SMPD4: variants seen among roughly 807,000 people sequenced by gnomAD.
The protein encoded by SMPD4 is neutral sphingomyelinase 3.
Under a neutral mutation model 97.8 loss-of-function variants are expected in SMPD4, and 58 were observed. That is an observed-to-expected ratio of 0.59 (90% CI 0.48 to 0.74). The LOEUF (loss-of-function observed/expected upper bound fraction) is 0.74, where lower values mean the gene tolerates loss of function less well. Among genes scored for constraint, SMPD4 ranks in the 30% least tolerant of loss-of-function variants. SMPD4 has a pLI of 0.00. For synonymous variants in SMPD4, 388 were observed against 450.0 expected, an observed-to-expected ratio of 0.86 and a Z score of 1.74; for missense variants, 853 against 1,080.5, an observed-to-expected ratio of 0.79 and a Z score of 2.95.
At position 130,152,378 on chromosome 2, in the gene SMPD4, C is replaced by T; in HGVS notation, c.*177G>A. The stretch of plus-strand genomic sequence containing the variant: ...GCAGCTACTCCTTTGCTGGGGCCCA[C>T]CTGCCTTCCTTTCTTGGTTGCGTTT... On this transcript the variant is annotated 3_prime_UTR_variant, in exon 20 of 20. Coordinates refer to ENST00000680298, the MANE Select transcript of SMPD4 (RefSeq NM_017951.5). 3 of 693,654 alleles carry T rather than the reference C, an allele frequency of 4.3e-6. No individual in the cohort carries two copies. Among genetic ancestry groups the T allele is most frequent in the East Asian group, 2.7e-5 (1 of 36,484 alleles). 43.0% of individuals were successfully genotyped at this position (693,654 alleles called of 1,614,324 possible). A position where few individuals can be genotyped will look rare whatever the true frequency, so the allele number is the denominator to read the frequency against.
At chr2:130,163,405 G>A (rs1687617746) in intron 10 of SMPD4, among the ~76,000 whole-genome samples, 1 of 152,256 alleles carries the variant, frequency 6.6e-6, no homozygotes, top group African/African-American at 2.4e-5. Flanking sequence ...ACATGGCAAA[G>A]CATGGGGCCA....
At chr2:130,158,158 T>C in intron 11 of SMPD4, 1 of 1,251,168 alleles carries the variant, frequency 8.0e-7, no homozygotes, top group Non-Finnish European at 1.0e-6. Flanking sequence ...CCCCATGGCT[T>C]CACTTTCCTC....
chr2:130,181,228 C>T lies in SMPD4; in HGVS notation c.-46+302G>A, dbSNP rs891824561. 1.0e-5 allele frequency: 13 copies of T among 1,256,944 alleles called. No homozygotes were observed. The Admixed American group carries it at 1.1e-4, about 11-fold the overall frequency. 77.9% of individuals were successfully genotyped at this position (1,256,944 alleles called of 1,614,324 possible). ...CACACCGCCTGTTGAGCCCAAGGCT[C>T]AACTTCAACACAAAGCTCTCCTTCC... On this transcript the variant is annotated intron_variant, in intron 1 of 19. Transcript: ENST00000680298.
intron 8 of SMPD4, among the ~76,000 whole-genome samples, chr2:130,169,863 T>C (rs753571290): frequency 1.3e-5 from 2 of 152,210 alleles, no homozygotes; most frequent in Non-Finnish European, 2.9e-5. Context: ...GCAAGTTATT[T>C]TTATTATGCG....
chr2:130,174,647 C>A (rs192324095), intron 3 of SMPD4, among the ~76,000 whole-genome samples: 32 of 152,312 alleles, frequency 2.1e-4, no homozygotes, highest in Non-Finnish European at 4.4e-4. Context: ...AGCACACACT[C>A]CCCATCTACC....
At chr2:130,178,406 G>A (rs1445458778) in intron 1 of SMPD4, among the ~76,000 whole-genome samples, 1 of 152,156 alleles carries the variant, frequency 6.6e-6, no homozygotes, top group African/African-American at 2.4e-5. Flanking sequence ...AACTGAGACA[G>A]GGGCAAATCC....
intron 1 of SMPD4, among the ~76,000 whole-genome samples, chr2:130,180,320 T>G (rs1689429535): frequency 1.3e-5 from 2 of 152,000 alleles, no homozygotes; most frequent in Admixed American, 1.3e-4. Flanking sequence ...TCGCACAGGC[T>G]GGAGTGCAGT....
At chr2:130,159,926 C>G (rs2104831538) in intron 11 of SMPD4, among the ~76,000 whole-genome samples, 1 of 152,266 alleles carries the variant, frequency 6.6e-6, no homozygotes, top group East Asian at 1.9e-4. Context: ...TCTGGAGGGC[C>G]CACTGTCCGC....
chr2:130,168,763 C>G (rs946547936), intron 8 of SMPD4, among the ~76,000 whole-genome samples: 1 of 150,972 alleles, frequency 6.6e-6, no homozygotes, highest in Admixed American at 6.6e-5. Flanking sequence ...ACTCTGTAGC[C>G]CAGGCTGGAG....
chr2:130,152,532 T>C lies in SMPD4; in HGVS notation c.*23A>G, dbSNP rs1298901203. 2 of 1,534,794 alleles carry C rather than the reference T, an allele frequency of 1.3e-6. No individual in the cohort carries two copies. The highest frequency in any genetic ancestry group is 4.9e-5 in the East Asian group (2 of 40,590). On this transcript the variant is annotated 3_prime_UTR_variant, in exon 20 of 20. Transcript: ENST00000680298. ...GGCTGTGTGGCAAATCCCTCCAGCC[T>C]GCTCTGAAGGCAGCTGACACCTTCA...
intron 3 of SMPD4, among the ~76,000 whole-genome samples, 173 bp downstream of exon 3, chr2:130,174,741 T>C (rs1246207421): frequency 1.3e-5 from 2 of 152,220 alleles, no homozygotes; most frequent in South Asian, 2.1e-4. Flanking sequence ...ACCCCTGATC[T>C]ACAAGTTCAC....
chr2:130,181,692 C>G, upstream of SMPD4: 1 of 1,548,474 alleles, frequency 6.5e-7, no homozygotes, highest in Admixed American at 2.0e-5. Context: ...GTGCGCAAAG[C>G]GAAGGCCGGC....
chr2:130,163,623 C>A (rs1687636193), intron 10 of SMPD4, among the ~76,000 whole-genome samples: 1 of 152,258 alleles, frequency 6.6e-6, no homozygotes. Flanking sequence ...GCTGATGCCA[C>A]TTCAGGCAAG....
intron 8 of SMPD4, among the ~76,000 whole-genome samples, chr2:130,170,458 C>CAAAAAAAAAAAAAAAAAAAAAAA (rs556058599): frequency 1.1e-4 from 7 of 64,672 alleles, no homozygotes; most frequent in East Asian, 4.9e-4. Flanking sequence ...AAGACCCTGT[C>CAAAAAAAAAAAAAAAAAAAAAAA]AAAAAAAAAA....
chr2:130,170,247 G>T (rs1194524443), intron 8 of SMPD4, among the ~76,000 whole-genome samples: 1 of 151,462 alleles, frequency 6.6e-6, no homozygotes, highest in South Asian at 2.1e-4. Context: ...AGCACTTTAG[G>T]GGGTCGAGGC....
At chr2:130,170,395 G>A (rs1310777412) in intron 8 of SMPD4, among the ~76,000 whole-genome samples, 1 of 140,814 alleles carries the variant, frequency 7.1e-6, no homozygotes, top group East Asian at 2.2e-4. Flanking sequence ...TGAGCCAGGA[G>A]AATCACTTGA....
At chr2:130,160,339 T>G (rs540599140) in intron 11 of SMPD4, among the ~76,000 whole-genome samples, 1 of 152,334 alleles carries the variant, frequency 6.6e-6, no homozygotes, top group East Asian at 1.9e-4. Flanking sequence ...TTTCTCATCT[T>G]ATGCTCAAAT....
At chr2:130,157,950 C>T (rs991950539) in intron 11 of SMPD4, 5 of 218,130 alleles carry the variant, frequency 2.3e-5, no homozygotes, top group Non-Finnish European at 4.7e-5. Context: ...TTAGCCTAGA[C>T]AACATAGGGA....
chr2:130,154,260 A>G lies in SMPD4; in HGVS notation c.1659+17T>C. 19 of 1,570,444 alleles carry G rather than the reference A, an allele frequency of 1.2e-5. No individual in the cohort carries two copies. The highest frequency in any genetic ancestry group is 1.6e-5 in the Non-Finnish European group (19 of 1,157,082). ...GGCTCCAGGGGCCCTGAGGACAGGC[A>G]CCGCCGAACCACTCACCAGGGTGCG... is the stretch of plus-strand genomic sequence containing the variant. On this transcript the variant is annotated intron_variant, in intron 16 of 19. Transcript: ENST00000680298.
Sources: gnomAD v4.1 joint callset for allele counts (sites outside exome capture counted in the v4.1 genomes callset) on GRCh38, gnomAD v4.1.1 for gene constraint, MANE v1.5 for transcripts, NCBI Gene and HGNC (gene_info 2026-07-23, HGNC 2026-07-21) for gene names.